CEMIP: variants seen among roughly 807,000 people sequenced by gnomAD.
CEMIP encodes the protein cell migration-inducing and hyaluronan-binding protein.
CEMIP carries 105 observed loss-of-function variants against 156.9 expected under a neutral mutation model. The ratio of observed to expected loss-of-function variants is 0.67; its 90% CI spans 0.57 to 0.79. The LOEUF is 0.79. Among genes scored for constraint, CEMIP ranks in the 30% least tolerant of loss-of-function variants. The pLI, the probability that CEMIP is intolerant of heterozygous loss-of-function variation, is 0.00. For synonymous variants in CEMIP, 676 were observed against 668.4 expected (o/e 1.01, Z -0.17); for missense variants, 1,457 against 1,769.4 (o/e 0.82, Z 3.17).
rs1161341552 is a variant in CEMIP at position 80,887,375 on chromosome 15, G to A, written c.798-319G>A. Among the ~76,000 whole-genome samples, 5 of 152,190 alleles carry A rather than the reference G, an allele frequency of 3.3e-5. No individual in the cohort carries two copies. In the East Asian group the frequency reaches 5.8e-4, roughly 18 times the overall value. Reference sequence around the variant, plus strand: ...GCTTCAGGACATAATTGAGCCTGGCGGGTGGTATAGTAGGTCTGTTGGCTT... The same window carrying A: ...GCTTCAGGACATAATTGAGCCTGGCAGGTGGTATAGTAGGTCTGTTGGCTT... On this transcript the variant is annotated intron_variant, in intron 7 of 29. Transcript: ENST00000394685.
At chr15:80,877,033 T>G (rs558845980) in intron 3 of CEMIP, among the ~76,000 whole-genome samples, 1 of 152,178 alleles carries the variant, frequency 6.6e-6, no homozygotes, top group East Asian at 1.9e-4. Flanking sequence ...TACAGGGCAG[T>G]GGACAAGAGG....
Position 80,942,998 on chromosome 15 carries a change from T to G in CEMIP, c.3753T>G (p.Ile1251Met). The change falls in exon 28 of 30, where the codon ATT becomes ATG. Residue 1251 changes from isoleucine (I) to methionine (M), a missense_variant. Physicochemically the swap from Ile to Met is conservative, Grantham distance 10 (BLOSUM62 1). Coordinates refer to ENST00000394685, the MANE Select transcript of CEMIP (RefSeq NM_001293298.2). ...AGGATGGCATCCAGGTGGTGGTGAT[T>G]GACGGGAACCAAGGGCGCGTGGTGA... ...SSEDGIQVVVIDGNQGRVVSH... is the reference protein window; with the variant it reads ...SSEDGIQVVVMDGNQGRVVSH... 1 of 1,614,168 alleles carries G rather than the reference T, an allele frequency of 6.2e-7. No individual in the cohort carries two copies. Among genetic ancestry groups the G allele is most frequent in the Non-Finnish European group, 8.5e-7 (1 of 1,180,034 alleles).
chr15:80,911,023 G>C (rs1205896061), intron 14 of CEMIP, among the ~76,000 whole-genome samples: 1 of 152,234 alleles, frequency 6.6e-6, no homozygotes, highest in African/African-American at 2.4e-5. Flanking sequence ...TGCGATTGGA[G>C]TTCTGCCGCT....
intron 7 of CEMIP, among the ~76,000 whole-genome samples, chr15:80,885,619 T>C (rs780223208): frequency 1.1e-4 from 17 of 152,226 alleles, no homozygotes; most frequent in Non-Finnish European, 2.4e-4. Flanking sequence ...TCCAGTGGCC[T>C]GAGTTTGAGT....
rs1899830169 is a variant in CEMIP, at chr15:80,906,883, T to A, written c.1587+45T>A. 1 of 1,567,136 alleles carries A rather than the reference T, an allele frequency of 6.4e-7. No individual in the cohort carries two copies. The highest frequency in any genetic ancestry group is 1.2e-5 in the South Asian group (1 of 86,394). ...AGTCTTTCAACCCAACCAGGAGAGT[T>A]CCTATGATGTCAGCCTCTAGACGGG... is the stretch of plus-strand genomic sequence containing the variant. On this transcript the variant is annotated intron_variant, in intron 13 of 29. Coordinates refer to ENST00000394685, the MANE Select transcript of CEMIP (RefSeq NM_001293298.2). The surrounding 1 kb of genome is among the most constrained non-coding windows in gnomAD (Gnocchi z 4.3).
At chr15:80,841,006 G>A (rs1295043438) in intron 1 of CEMIP, among the ~76,000 whole-genome samples, 2 of 152,192 alleles carry the variant, frequency 1.3e-5, no homozygotes, top group African/African-American at 2.4e-5. Context: ...CTGCTATCCT[G>A]GAACCTGGAG....
chr15:80,796,358 G>A (rs57445830), intron 1 of CEMIP, among the ~76,000 whole-genome samples: 13,805 of 152,174 alleles, frequency 0.091, 642 homozygotes, highest in Middle Eastern at 0.14. Context: ...CAAATGGATG[G>A]GGCTGCAGTG....
chr15:80,783,438 A>G (rs1895847795), intron 1 of CEMIP, among the ~76,000 whole-genome samples: 1 of 152,172 alleles, frequency 6.6e-6, no homozygotes, highest in Non-Finnish European at 1.5e-5. Context: ...TTTTACCATT[A>G]TCTGGAGGCA....
intron 1 of CEMIP, among the ~76,000 whole-genome samples, chr15:80,837,805 T>TC (rs1206474287): frequency 6.6e-6 from 1 of 152,240 alleles, no homozygotes; most frequent in Non-Finnish European, 1.5e-5. Flanking sequence ...GAGCTCATGG[T>TC]ATAGACATGG....
intron 1 of CEMIP, among the ~76,000 whole-genome samples, chr15:80,845,930 C>T (rs2141720219): frequency 6.6e-6 from 1 of 152,324 alleles, no homozygotes; most frequent in East Asian, 1.9e-4. Context: ...ATCTAGGAGA[C>T]TCCTCCTGAC....
chr15:80,831,615 G>A lies in CEMIP; in HGVS notation c.-175-41923G>A, dbSNP rs114157582. 7.6e-3 allele frequency among the ~76,000 whole-genome samples: 1,152 copies of A among 152,082 alleles called. 16 individuals carry two copies. The highest frequency in any genetic ancestry group is 0.026 in the African/African-American group (1,069 of 41,468). On this transcript the variant is annotated intron_variant, in intron 1 of 29. Coordinates refer to ENST00000394685, the MANE Select transcript of CEMIP (RefSeq NM_001293298.2). Reference sequence around the variant, plus strand: ...CCAGCCTCTCTGAACTGGGTCCCACGTGGAGATAGTGAATACAGGGCACCG... The same window carrying A: ...CCAGCCTCTCTGAACTGGGTCCCACATGGAGATAGTGAATACAGGGCACCG...
At position 80,920,299 on chromosome 15, in the gene CEMIP, A is replaced by G; in HGVS notation, c.2003A>G (p.Asn668Ser). ...GYIPKPRQDC[N>S]AVSTFWMANP... Reference sequence around the variant, plus strand: ...ATCCCCAAGCCCAGGCAAGACTGCAAGTAAGTGCCTGGACCCCTCTCTGTG... The same window carrying G: ...ATCCCCAAGCCCAGGCAAGACTGCAGGTAAGTGCCTGGACCCCTCTCTGTG... The change falls in exon 15 of 30, where the codon AAT becomes AGT. Residue 668 changes from asparagine to serine, a missense_variant and splice_region_variant. Physicochemically the swap from Asn to Ser is conservative, Grantham distance 46. This residue lies in a region of CEMIP where 798 missense variants were observed against 980.1 expected (regional missense o/e 0.81). Transcript: ENST00000394685. 1 of 1,613,492 alleles carries G rather than the reference A, an allele frequency of 6.2e-7. No individual in the cohort carries two copies. The highest frequency in any genetic ancestry group is 8.5e-7 in the Non-Finnish European group (1 of 1,179,426).
chr15:80,919,677 T>C (rs1479557914), intron 14 of CEMIP, among the ~76,000 whole-genome samples: 2 of 152,032 alleles, frequency 1.3e-5, no homozygotes, highest in Non-Finnish European at 2.9e-5. Flanking sequence ...TAGCTGGGTG[T>C]GGGGGCGTGT....
intron 1 of CEMIP, among the ~76,000 whole-genome samples, chr15:80,784,025 C>T (rs1895863794): frequency 2.0e-5 from 3 of 152,178 alleles, no homozygotes; most frequent in African/African-American, 4.8e-5. Context: ...GGTGAGTGAG[C>T]CCTGGGGAGC....
At chr15:80,857,942 C>A (rs1897892798) in intron 1 of CEMIP, among the ~76,000 whole-genome samples, 1 of 151,828 alleles carries the variant, frequency 6.6e-6, no homozygotes, top group Non-Finnish European at 1.5e-5. Context: ...GCATTCCCGG[C>A]AGTAGGAGCA....
intron 14 of CEMIP, among the ~76,000 whole-genome samples, chr15:80,913,723 C>T (rs919877836): frequency 1.3e-5 from 2 of 152,186 alleles, no homozygotes; most frequent in Non-Finnish European, 1.5e-5. Flanking sequence ...GTGTAAACAT[C>T]GCTGGTTCTG....
At chr15:80,804,134 A>G (rs1008209326) in intron 1 of CEMIP, among the ~76,000 whole-genome samples, 6 of 152,196 alleles carry the variant, frequency 3.9e-5, no homozygotes, top group African/African-American at 1.4e-4. Context: ...ACCTGCCCCC[A>G]TGATTCAGTT....
chr15:80,941,979 A>G lies in CEMIP; in HGVS notation c.3538A>G (p.Thr1180Ala). The change falls in exon 26 of 30, where the codon ACA becomes GCA. Residue 1180 changes from threonine to alanine, a missense_variant. Transcript: ENST00000394685. ...KNAGVSDCTA[T>A]AYPKFTERAV... ...CGCAGGCGTCAGTGACTGCACAGCC[A>G]CAGCTTACCCCAAGTTCACCGAGAG... 6.2e-7 allele frequency: 1 copy of G among 1,614,074 alleles called. No individual in the cohort carries two copies. Among genetic ancestry groups the G allele is most frequent in the Non-Finnish European group, 8.5e-7 (1 of 1,180,002 alleles).
chr15:80,872,053 C>G (rs1025238648), intron 1 of CEMIP, among the ~76,000 whole-genome samples: 7 of 152,322 alleles, frequency 4.6e-5, no homozygotes, highest in East Asian at 1.9e-4. Flanking sequence ...TGGGAGGTAC[C>G]AGGCAGAGGG....
Sources: allele counts gnomAD v4.1 joint callset (sites outside exome capture counted in the v4.1 genomes callset), GRCh38; gene constraint gnomAD v4.1.1; regional missense constraint gnomAD v4.1.1; non-coding constraint Gnocchi (gnomAD v3.1); transcripts MANE v1.5; gene names NCBI Gene and HGNC (gene_info 2026-07-23, HGNC 2026-07-21).